AHNAK: variants seen among roughly 807,000 people sequenced by gnomAD.
The protein encoded by AHNAK is neuroblast differentiation-associated protein AHNAK.
In AHNAK, 23 loss-of-function variants were observed where a neutral mutation model predicts 37.8. The observed-to-expected ratio is 0.61, with a 90% CI of 0.44 to 0.86. The LOEUF (loss-of-function observed/expected upper bound fraction) is 0.86, where lower values mean the gene tolerates loss of function less well. Among genes scored for constraint, AHNAK ranks in the 40% least tolerant of loss-of-function variants. The pLI, the probability that AHNAK is intolerant of heterozygous loss-of-function variation, is 0.00. For synonymous variants in AHNAK, 2,481 were observed against 2,636.3 expected, an observed-to-expected ratio of 0.94 and a Z score of 1.80; for missense variants, 7,411 against 7,319.4, an observed-to-expected ratio of 1.01 and a Z score of -0.46.
chr11:62,506,676 TG>T (rs1362635554), intron 4 of AHNAK, among the ~76,000 whole-genome samples: 1 of 152,210 alleles, frequency 6.6e-6, no homozygotes, highest in Non-Finnish European at 1.5e-5. Context: ...TTCCAGGCTG[TG>T]TGGGCCGGGT....
chr11:62,482,275 C>T (rs1939291549), intron 5 of AHNAK, among the ~76,000 whole-genome samples: 1 of 152,050 alleles, frequency 6.6e-6, no homozygotes, highest in Admixed American at 6.6e-5. Context: ...TTTATCCGGG[C>T]GTGGTGGTGC....
chr11:62,500,758 C>G (rs1470973670), intron 4 of AHNAK, among the ~76,000 whole-genome samples: 1 of 152,200 alleles, frequency 6.6e-6, no homozygotes, highest in Non-Finnish European at 1.5e-5. Context: ...TTCATCTCCC[C>G]TTTGGCTGGG....
At chr11:62,540,775 G>T (rs1413145824) in intron 1 of AHNAK, among the ~76,000 whole-genome samples, 1 of 152,266 alleles carries the variant, frequency 6.6e-6, no homozygotes, top group Non-Finnish European at 1.5e-5. Flanking sequence ...AGCTGCAAAG[G>T]TGAGAGCACG....
rs1940266874 is a variant in AHNAK at position 62,522,020 on chromosome 11, C to T, written c.12397G>A (p.Glu4133Lys). ...HLKAPKISMP[E>K]VDLNLKGPKM... ...GGACCTTTCAGATTCAGGTCAACTT[C>T]AGGCATAGAGATCTTCGGTGCCTTG... The change falls in exon 5 of 5, where the codon GAA becomes AAA. Residue 4133 changes from glutamate (E) to lysine (K), a missense_variant. Transcript: ENST00000378024. 1 of 1,614,070 alleles carries T rather than the reference C, an allele frequency of 6.2e-7. No homozygotes were observed. The highest frequency in any genetic ancestry group is 8.5e-7 in the Non-Finnish European group (1 of 1,180,010).
intron 5 of AHNAK, among the ~76,000 whole-genome samples, chr11:62,464,812 C>T (rs1938870843): frequency 6.6e-6 from 1 of 152,124 alleles, no homozygotes; most frequent in Non-Finnish European, 1.5e-5. Flanking sequence ...GCCTGGGCGA[C>T]AGAGGGAGAC....
rs1361826502 is a variant in AHNAK at position 62,531,336 on chromosome 11, C to G, written c.3081G>C (p.Val1027=). Residue 1027 remains valine (V), a synonymous_variant, in exon 5 of 5, where the codon GTG becomes GTC. Coordinates refer to ENST00000378024, the MANE Select transcript of AHNAK (RefSeq NM_001620.3). ...TATCTACTTTTGGTGCAGAAATGTC[C>G]ACATTCGCTTTGGACAGGTTCACAT... is the stretch of plus-strand genomic sequence containing the variant. ...EFDVNLSKAN[V]DISAPKVDTN... 1 of 1,613,036 alleles carries G rather than the reference C, an allele frequency of 6.2e-7. No homozygotes were observed.
chr11:62,529,275 C>A lies in AHNAK; in HGVS notation c.5142G>T (p.Lys1714Asn), dbSNP rs747965561. 2.5e-6 allele frequency: 4 copies of A among 1,614,158 alleles called. No homozygotes were observed. The South Asian group carries it at 3.3e-5, about 13-fold the overall frequency. Residue 1714 changes from lysine to asparagine, a missense_variant, in exon 5 of 5, where the codon AAG becomes AAT. Coordinates refer to ENST00000378024, the MANE Select transcript of AHNAK (RefSeq NM_001620.3). ...GCATACTGAACTTGGGCATTTTCAT[C>A]TTGGGCATTTTCAGGTGCCAATCTG... ...HDPDWHLKMP[K>N]MKMPKFSMPG...
Position 62,504,323 on chromosome 11 carries a change from C to T in AHNAK, c.343-12492G>A, listed in dbSNP as rs148046562. On this transcript the variant is annotated intron_variant, in intron 4 of 5. Coordinates refer to the AHNAK transcript ENST00000257247. ...AAGCCTAGCATCCCTGCCAGGCCCC[C>T]CAGCAAATTTACCCAGAGCTTATCC... is the stretch of plus-strand genomic sequence containing the variant. Among the ~76,000 whole-genome samples the T allele has an allele frequency of 3.5e-3, 525 of 152,170 alleles. 1 individual carries two copies. Among genetic ancestry groups the T allele is most frequent in the African/African-American group, 0.012 (481 of 41,504 alleles).
intron 1 of AHNAK, among the ~76,000 whole-genome samples, chr11:62,543,723 G>C (rs1941206812): frequency 6.6e-6 from 1 of 152,208 alleles, no homozygotes; most frequent in South Asian, 2.1e-4. Context: ...TGAGCCCAGG[G>C]AAATGCCAGC....
Position 62,522,902 on chromosome 11 carries a change from T to A in AHNAK, c.11515A>T (p.Lys3839Ter). ...PKADLDVSGPKVDIDVPDVNI... is the reference protein window; with the variant it reads ...PKADLDVSGP Reference sequence around the variant, plus strand: ...ACATCTGGAACATCAATGTCCACCTTGGGTCCTGAGACATCAAGGTCAGCC... The same window carrying A: ...ACATCTGGAACATCAATGTCCACCTAGGGTCCTGAGACATCAAGGTCAGCC... Residue 3839 changes from lysine to a stop codon, truncating the protein, a stop_gained, in exon 5 of 5, where the codon AAG becomes TAG. Coordinates refer to ENST00000378024, the MANE Select transcript of AHNAK (RefSeq NM_001620.3). LOFTEE classifies it low-confidence loss of function (END_TRUNC). The A allele has an allele frequency of 6.2e-7, 1 of 1,613,290 alleles. No individual in the cohort carries two copies. The highest frequency in any genetic ancestry group is 1.1e-5 in the South Asian group (1 of 91,036).
chr11:62,494,126 A>C (rs1939564230), intron 4 of AHNAK, among the ~76,000 whole-genome samples: 1 of 152,126 alleles, frequency 6.6e-6, no homozygotes, highest in Admixed American at 6.5e-5. Context: ...GATGGCATGA[A>C]AATTTCCAAG....
intron 5 of AHNAK, among the ~76,000 whole-genome samples, chr11:62,465,304 G>A (rs543175764): frequency 2.0e-5 from 3 of 152,252 alleles, no homozygotes; most frequent in Middle Eastern, 6.8e-3. Flanking sequence ...CACGGTCTTT[G>A]CAGATGTGAT....
In AHNAK at chr11:62,473,084, C is replaced by CA. The variant is rs71056522; in HGVS notation, c.442+18647dup. Reference sequence around the variant, plus strand: ...TGGGCAACAGAGCAAGACTCCATCTCAAAAAAAAAAAAAAAAAAAAAAAAA... The same window carrying CA: ...TGGGCAACAGAGCAAGACTCCATCTCAAAAAAAAAAAAAAAAAAAAAAAAAA... On this transcript the variant is annotated intron_variant, in intron 5 of 5. Coordinates refer to the AHNAK transcript ENST00000257247. Among the ~76,000 whole-genome samples, 46 of 17,296 alleles carry CA rather than the reference C, an allele frequency of 2.7e-3. 10 individuals carry two copies. Among genetic ancestry groups the CA allele is most frequent in the South Asian group, 0.019 (4 of 216 alleles). The allele number at this position is 17,296 out of a possible 152,430, so 11.3% of individuals were successfully genotyped here.
At chr11:62,456,527 T>C (rs2134816021) in intron 5 of AHNAK, among the ~76,000 whole-genome samples, 1 of 152,244 alleles carries the variant, frequency 6.6e-6, no homozygotes, top group East Asian at 1.9e-4. Context: ...TGACTGAGAT[T>C]TCAACCCAGT....
At chr11:62,489,593 T>C (rs142587107) in intron 5 of AHNAK, among the ~76,000 whole-genome samples, 21 of 151,800 alleles carry the variant, frequency 1.4e-4, no homozygotes, top group African/African-American at 4.8e-4. Flanking sequence ...GTTAAGAAGG[T>C]GGGTGACTGG....
At chr11:62,540,008 A>G (rs1941074740) in intron 1 of AHNAK, among the ~76,000 whole-genome samples, 1 of 152,180 alleles carries the variant, frequency 6.6e-6, no homozygotes, top group Admixed American at 6.5e-5. Context: ...CCACCTCTGG[A>G]GCCTGTATCA....
At chr11:62,544,460 G>T (rs1043263943) in intron 1 of AHNAK, among the ~76,000 whole-genome samples, 1 of 152,012 alleles carries the variant, frequency 6.6e-6, no homozygotes, top group Non-Finnish European at 1.5e-5. Flanking sequence ...AACCTCTTAG[G>T]GACAAAGGCT....
chr11:62,520,993 C>A lies in AHNAK; in HGVS notation c.13424G>T (p.Gly4475Val). The A allele has an allele frequency of 6.2e-7, 1 of 1,614,146 alleles. No individual in the cohort carries two copies. Among genetic ancestry groups the A allele is most frequent in the Non-Finnish European group, 8.5e-7 (1 of 1,180,032 alleles). The change falls in exon 5 of 5, where the codon GGT (glycine) becomes GTT (valine). Residue 4475 changes from glycine to valine, a missense_variant. Transcript: ENST00000378024. ...CTTAGGTAGTGAAACATCCACATCA[C>A]CCTTCACCTTGGGACCTTTCAGGTG... ...DLHLKGPKVKGDVDVSLPKVE... is the reference protein window; with the variant it reads ...DLHLKGPKVKVDVDVSLPKVE...
chr11:62,517,721 T>C lies in AHNAK; in HGVS notation c.16696A>G (p.Ile5566Val), dbSNP rs1266716948. The C allele has an allele frequency of 6.2e-7, 1 of 1,614,186 alleles. No individual in the cohort carries two copies. Among genetic ancestry groups the C allele is most frequent in the Non-Finnish European group, 8.5e-7 (1 of 1,180,026 alleles). The change falls in exon 5 of 5, where the codon ATC (isoleucine) becomes GTC (valine). Residue 5566 changes from isoleucine (I) to valine (V), a missense_variant. Ile to Val is a conservative substitution (Grantham distance 29). Transcript: ENST00000378024. ...CCTGAAACATCCGCACCTCCTTTGA[T>C]TTTTGGGCCCTTCAAGTTGATGCCA... ...DFGINLKGPK[I>V]KGGADVSGGV... is the part of the protein sequence containing the mutation.
Sources: allele counts gnomAD v4.1 joint callset (sites outside exome capture counted in the v4.1 genomes callset), GRCh38; gene constraint gnomAD v4.1.1; transcripts MANE v1.5; gene names NCBI Gene and HGNC (gene_info 2026-07-23, HGNC 2026-07-21).